The following APBA2 variants were observed in gnomAD, a reference collection of about 807,000 sequenced individuals.
The protein encoded by APBA2 is amyloid beta precursor protein binding family A member 2, also known as amyloid-beta A4 precursor protein-binding family A member 2.
Under a neutral mutation model 75.0 loss-of-function variants are expected in APBA2, and 30 were observed. The ratio of observed to expected loss-of-function variants is 0.40; its 90% confidence interval spans 0.30 to 0.54. The LOEUF is 0.54. APBA2 is among the 20% of genes least tolerant of loss of function. APBA2 has a pLI of 0.49. For synonymous variants in APBA2, 444 were observed against 409.6 expected (o/e 1.08, Z -1.01); for missense variants, 801 against 1,016.1 (o/e 0.79, Z 2.88).
chr15:28,995,464 A>G (rs958331084), intron 2 of APBA2, among the ~76,000 whole-genome samples: 3 of 152,226 alleles, frequency 2.0e-5, no homozygotes, highest in African/African-American at 7.2e-5. Flanking sequence ...GAGGAGCCTC[A>G]TTAAAATGCA....
intron 4 of APBA2, among the ~76,000 whole-genome samples, chr15:29,074,363 A>G (rs758206832): frequency 6.6e-6 from 1 of 152,184 alleles, no homozygotes; most frequent in Non-Finnish European, 1.5e-5. Flanking sequence ...CCTTCAGGAC[A>G]TTTTGCTGAG....
At chr15:29,040,291 CTG>C (rs1395260315) in intron 3 of APBA2, among the ~76,000 whole-genome samples, 2 of 152,170 alleles carry the variant, frequency 1.3e-5, no homozygotes, top group African/African-American at 4.8e-5. Flanking sequence ...TTGCAAGAAA[CTG>C]TGAAAGAGTG....
intron 2 of APBA2, among the ~76,000 whole-genome samples, chr15:28,951,467 G>A (rs1388847522): frequency 6.6e-6 from 1 of 152,226 alleles, no homozygotes; most frequent in Non-Finnish European, 1.5e-5. Context: ...ACCAAGGTCT[G>A]GAGACAGGGT....
chr15:28,956,901 G>C (rs534254479), intron 2 of APBA2, among the ~76,000 whole-genome samples: 20 of 152,318 alleles, frequency 1.3e-4, no homozygotes, highest in African/African-American at 4.6e-4. Flanking sequence ...ACGTGTCACA[G>C]TCTCCTTGTC....
At chr15:28,925,708 C>T (rs2034223245) in intron 2 of APBA2, among the ~76,000 whole-genome samples, 1 of 152,134 alleles carries the variant, frequency 6.6e-6, no homozygotes. Flanking sequence ...TGATGCTATT[C>T]AAGTGAACTG....
chr15:29,087,326 T>C (rs1227537414), intron 6 of APBA2, among the ~76,000 whole-genome samples: 1 of 152,184 alleles, frequency 6.6e-6, no homozygotes, highest in East Asian at 1.9e-4. Context: ...AGGGTTAGGA[T>C]CTGTCTTGGG....
intron 3 of APBA2, among the ~76,000 whole-genome samples, chr15:29,009,214 G>C (rs989485283): frequency 6.6e-6 from 1 of 152,130 alleles, no homozygotes; most frequent in Non-Finnish European, 1.5e-5. Flanking sequence ...CCCTGCCCAA[G>C]ATATGGTGCC....
At chr15:29,081,465 G>C (rs1490075521) in intron 6 of APBA2, among the ~76,000 whole-genome samples, 1 of 152,196 alleles carries the variant, frequency 6.6e-6, no homozygotes, top group Non-Finnish European at 1.5e-5. Flanking sequence ...AGTTGTTAAA[G>C]ATTTCTCAGA....
chr15:28,913,703 C>T (rs541762868), intron 1 of APBA2, among the ~76,000 whole-genome samples: 3 of 152,334 alleles, frequency 2.0e-5, no homozygotes, highest in African/African-American at 4.8e-5. Context: ...GGGGAGCCCC[C>T]ACTTGTGGGT....
intron 1 of APBA2, among the ~76,000 whole-genome samples, chr15:28,914,596 C>T (rs2033579951): frequency 6.6e-6 from 1 of 152,064 alleles, no homozygotes; most frequent in South Asian, 2.1e-4. Flanking sequence ...GGTCCTGCTG[C>T]CCCGCTCAGC....
At chr15:29,079,456 G>A (rs2042992297) in intron 6 of APBA2, among the ~76,000 whole-genome samples, 1 of 152,212 alleles carries the variant, frequency 6.6e-6, no homozygotes, top group South Asian at 2.1e-4. Flanking sequence ...AGAAGACCCA[G>A]AAGCCTCTTC....
At chr15:29,023,151 C>T (rs369355492) in intron 3 of APBA2, among the ~76,000 whole-genome samples, 18 of 152,150 alleles carry the variant, frequency 1.2e-4, no homozygotes, top group African/African-American at 4.1e-4. Flanking sequence ...CCTTCTTCCC[C>T]TCTTCCTTCT....
chr15:29,048,171 ACTT>A (rs941317662), intron 3 of APBA2, among the ~76,000 whole-genome samples: 3 of 152,094 alleles, frequency 2.0e-5, no homozygotes, highest in African/African-American at 7.2e-5. Flanking sequence ...ACATGGCAAA[ACTT>A]CATCTCTACA....
intron 3 of APBA2, among the ~76,000 whole-genome samples, chr15:29,038,225 TG>T (rs968722665): frequency 6.6e-6 from 1 of 152,134 alleles, no homozygotes; most frequent in Non-Finnish European, 1.5e-5. Context: ...GTTTTGGTGT[TG>T]GGGGACTCTG....
chr15:28,906,366 A>G (rs1370716520), intron 1 of APBA2, among the ~76,000 whole-genome samples: 1 of 152,212 alleles, frequency 6.6e-6, no homozygotes, highest in African/African-American at 2.4e-5. Flanking sequence ...TCTCTCTGAC[A>G]CTTGCACAAT....
At chr15:29,094,741 C>G (rs1355149302) in intron 8 of APBA2, among the ~76,000 whole-genome samples, 1 of 152,106 alleles carries the variant, frequency 6.6e-6, no homozygotes, top group Non-Finnish European at 1.5e-5. Context: ...GCTCAGTTTG[C>G]CCGTGTGGTG....
chr15:28,897,888 T>G (rs1456040541), intron 1 of APBA2, among the ~76,000 whole-genome samples: 3 of 152,158 alleles, frequency 2.0e-5, no homozygotes, highest in African/African-American at 7.2e-5. Flanking sequence ...AATGTTACTT[T>G]ATGTGGTAGT....
At chr15:29,106,499 G>A in intron 11 of APBA2, 108 bp from the exon 12 acceptor site, 1 of 1,264,544 alleles carries the variant, frequency 7.9e-7, no homozygotes, top group South Asian at 1.3e-5. Flanking sequence ...GGATCCCAGG[G>A]CAGGGCGGGA....
chr15:28,888,828 G>A (rs1326804168), intron 1 of APBA2, among the ~76,000 whole-genome samples: 2 of 152,200 alleles, frequency 1.3e-5, no homozygotes, highest in African/African-American at 4.8e-5. Context: ...TTGCCAGGTG[G>A]CTGTGAGGAC....
Sources: allele counts gnomAD v4.1 joint callset (sites outside exome capture counted in the v4.1 genomes callset), GRCh38; gene constraint gnomAD v4.1.1; transcripts MANE v1.5; gene names NCBI Gene and HGNC (gene_info 2026-07-23, HGNC 2026-07-21).